B4GALT2: variants seen among roughly 807,000 people sequenced by gnomAD.
The protein encoded by B4GALT2 is beta-1,4-galactosyltransferase 2, also known as N-acetyllactosamine synthase.
Under a neutral mutation model 33.2 loss-of-function variants are expected in B4GALT2, and 18 were observed. The ratio of observed to expected loss-of-function variants is 0.54; its 90% confidence interval spans 0.38 to 0.80. The LOEUF is 0.80. Among genes scored for constraint, B4GALT2 ranks in the 30% least tolerant of loss-of-function variants. The probability of loss-of-function intolerance (pLI) is 0.00; values close to 1 mark genes in which losing one functional copy is unlikely to be tolerated. For missense variants in B4GALT2, 404 were observed against 526.2 expected, an observed-to-expected ratio of 0.77 and a Z score of 2.27; for synonymous variants, 214 against 217.6, an observed-to-expected ratio of 0.98 and a Z score of 0.15.
chr1:43,990,313 A>G lies in B4GALT2; in HGVS notation c.984A>G (p.Gln328=), dbSNP rs754497935. Residue 328 remains glutamine (Q), a synonymous_variant, in exon 7 of 7, where the codon CAA becomes CAG. Transcript: ENST00000372324. ...EPNPQRFTKI[Q]NTKLTMKRDG... ...TCCTATCTAGGTTTACCAAGATTCA[A>G]AACACGAAGCTGACCATGAAGCGGG... 1 of 1,614,208 alleles carries G rather than the reference A, an allele frequency of 6.2e-7. No individual in the cohort carries two copies. The highest frequency in any genetic ancestry group is 1.7e-5 in the Admixed American group (1 of 60,026).
At chr1:43,986,383 C>G (rs895433557) in intron 6 of B4GALT2, among the ~76,000 whole-genome samples, 7 of 152,118 alleles carry the variant, frequency 4.6e-5, no homozygotes, top group Non-Finnish European at 1.0e-4. Flanking sequence ...GTGATGGAAG[C>G]CTTCCTGGAG....
intron 6 of B4GALT2, among the ~76,000 whole-genome samples, chr1:43,989,074 A>T (rs111621454): frequency 6.8e-4 from 104 of 152,124 alleles, no homozygotes; most frequent in African/African-American, 2.5e-3. Flanking sequence ...CAGCTGGATG[A>T]GGTGGCTCAT....
At position 43,979,274 on chromosome 1, in the gene B4GALT2, C is replaced by A; in HGVS notation, c.-290C>A. The A allele has an allele frequency of 6.8e-6, 1 of 146,446 alleles. No individual in the cohort carries two copies. The highest frequency in any genetic ancestry group is 1.8e-4 in the South Asian group (1 of 5,480). The allele number at this position is 146,446 out of a possible 1,614,324, so 9.1% of individuals were successfully genotyped here. A position where few individuals can be genotyped will look rare whatever the true frequency, so the allele number is the denominator to read the frequency against. ...CGCTGTGGTCCGTGGGTCCGCCGGT[C>A]CGTGGGTCTGCCCGGCCGCCCGGCC... On this transcript the variant is annotated 5_prime_UTR_variant, in exon 1 of 7. Transcript: ENST00000372324. The surrounding 1 kb of genome is among the most constrained non-coding windows in gnomAD (Gnocchi z 4.8).
rs1441551509 is a variant in B4GALT2 at position 43,982,536 on chromosome 1, CT to C, written c.549+614del. ...TTGGGAAGCAGTTGCTGAGATGGGTCTTGCGGGATGAGCAGGCATCAGGGGC... is the reference window on the plus strand; with the variant it reads ...TTGGGAAGCAGTTGCTGAGATGGGTCTGCGGGATGAGCAGGCATCAGGGGC... On this transcript the variant is annotated intron_variant, in intron 3 of 6. Coordinates refer to ENST00000372324, the MANE Select transcript of B4GALT2 (RefSeq NM_003780.5). This position sits in a 1 kb window ranked among gnomAD's most constrained non-coding sequence, Gnocchi z 4.3. Among the ~76,000 whole-genome samples, 1 of 152,172 alleles carries C rather than the reference CT, an allele frequency of 6.6e-6. No individual in the cohort carries two copies. Among genetic ancestry groups the C allele is most frequent in the Non-Finnish European group, 1.5e-5 (1 of 68,030 alleles).
Position 43,981,990 on chromosome 1 carries a change from T to A in B4GALT2, c.549+66T>A. The A allele has an allele frequency of 6.6e-7, 1 of 1,506,968 alleles. No individual in the cohort carries two copies. Among genetic ancestry groups the A allele is most frequent in the Middle Eastern group, 1.7e-4 (1 of 5,800 alleles). The allele number at this position is 1,506,968 out of a possible 1,614,324, so 93.3% of individuals were successfully genotyped here. A position where few individuals can be genotyped will look rare whatever the true frequency, so the allele number is the denominator to read the frequency against. On this transcript the variant is annotated intron_variant, in intron 3 of 6. Transcript: ENST00000372324. The surrounding 1 kb of genome is among the most constrained non-coding windows in gnomAD (Gnocchi z 8.1). The stretch of plus-strand genomic sequence containing the variant: ...GTGGGTTGGGGGCGTTTGTGGGTCC[T>A]TGTCTGCCCGTGTGGATATGTGGAT...
rs775829263 is a variant in B4GALT2 at position 43,981,925 on chromosome 1, G to C, written c.549+1G>C. 6.2e-7 allele frequency: 1 copy of C among 1,613,474 alleles called. No individual in the cohort carries two copies. Among genetic ancestry groups the C allele is most frequent in the South Asian group, 1.1e-5 (1 of 91,078 alleles). On this transcript the variant is annotated splice_donor_variant, in intron 3 of 6. Transcript: ENST00000372324. LOFTEE classifies it high-confidence loss of function. This position sits in a 1 kb window ranked among gnomAD's most constrained non-coding sequence, Gnocchi z 8.1. Reference sequence around the variant, plus strand: ...CTACGGCGTCTATGTCATCAACCAGGTGCCCATGCGGGGGTCCATGTGCCT... The same window carrying C: ...CTACGGCGTCTATGTCATCAACCAGCTGCCCATGCGGGGGTCCATGTGCCT...
In B4GALT2 at chr1:43,982,016, G is replaced by A. The variant is rs1165143755; in HGVS notation, c.549+92G>A. The stretch of plus-strand genomic sequence containing the variant: ...TGTCTGCCCGTGTGGATATGTGGAT[G>A]GACCTGGGCGTGGGTAGTCGGTGTT... On this transcript the variant is annotated intron_variant, in intron 3 of 6. Coordinates refer to ENST00000372324, the MANE Select transcript of B4GALT2 (RefSeq NM_003780.5). The surrounding 1 kb of genome is among the most constrained non-coding windows in gnomAD (Gnocchi z 4.3). 19 of 1,293,374 alleles carry A rather than the reference G, an allele frequency of 1.5e-5. No individual in the cohort carries two copies. The highest frequency in any genetic ancestry group is 1.5e-4 in the South Asian group (11 of 75,446). The allele number at this position is 1,293,374 out of a possible 1,614,324, so 80.1% of individuals were successfully genotyped here. A position where few individuals can be genotyped will look rare whatever the true frequency, so the allele number is the denominator to read the frequency against.
rs773719756 is a variant in B4GALT2 at position 43,985,605 on chromosome 1, G to A, written c.952G>A (p.Glu318Lys). ...MIKHDRDKHNEPNPQRFTKIQ... is the reference protein window; with the variant it reads ...MIKHDRDKHNKPNPQRFTKIQ... ...CAAGCACGACCGCGACAAGCATAAC[G>A]AACCTAACCCTCAGAGGTGACCCCA... The change falls in exon 6 of 7, where the codon GAA (glutamate) becomes AAA (lysine). Residue 318 changes from glutamate to lysine, a missense_variant. Glu to Lys is a moderately conservative substitution (Grantham distance 56). Coordinates refer to ENST00000372324, the MANE Select transcript of B4GALT2 (RefSeq NM_003780.5). 2 of 1,613,858 alleles carry A rather than the reference G, an allele frequency of 1.2e-6. No homozygotes were observed. Among genetic ancestry groups the A allele is most frequent in the South Asian group, 2.2e-5 (2 of 91,070 alleles).
chr1:43,980,048 T>G (rs1031339819), intron 1 of B4GALT2: 4 of 1,513,632 alleles, frequency 2.6e-6, no homozygotes, highest in African/African-American at 2.8e-5. Flanking sequence ...GCCTTGTTTG[T>G]GAGTGTGGGA....
At chr1:43,987,224 T>C (rs575741045) in intron 6 of B4GALT2, among the ~76,000 whole-genome samples, 8 of 152,272 alleles carry the variant, frequency 5.3e-5, no homozygotes, top group Non-Finnish European at 1.2e-4. Context: ...CAATTACACA[T>C]GTCTGGCTTG....
chr1:43,990,952 TGCTGAG>T lies in B4GALT2; in HGVS notation c.*506_*511del, dbSNP rs2085726835. 1 of 164,230 alleles carries T rather than the reference TGCTGAG, an allele frequency of 6.1e-6. No individual in the cohort carries two copies. Among genetic ancestry groups the T allele is most frequent in the South Asian group, 1.5e-4 (1 of 6,704 alleles). 10.2% of individuals were successfully genotyped at this position (164,230 alleles called of 1,614,324 possible). ...AGGGGGCAAGCTTTGGTGCGCCCCC[TGCTGAG>T]GAGCAGCCCCAGGAGGGGACCAGAG... On this transcript the variant is annotated 3_prime_UTR_variant, in exon 7 of 7. Transcript: ENST00000372324.
Position 43,979,848 on chromosome 1 carries a change from T to G in B4GALT2, c.-53+337T>G. 2 of 700,388 alleles carry G rather than the reference T, an allele frequency of 2.9e-6. No individual in the cohort carries two copies. Among genetic ancestry groups the G allele is most frequent in the Non-Finnish European group, 4.7e-6 (2 of 423,122 alleles). 43.4% of individuals were successfully genotyped at this position (700,388 alleles called of 1,614,324 possible). A position where few individuals can be genotyped will look rare whatever the true frequency, so the allele number is the denominator to read the frequency against. On this transcript the variant is annotated intron_variant, in intron 1 of 6. Transcript: ENST00000372324. The surrounding 1 kb of genome is among the most constrained non-coding windows in gnomAD (Gnocchi z 4.8). ...CCCCAGGCTCCACACCCACCCGGTC[T>G]GTGCGGCCTGCCCGTCCGCGGGTGC...
chr1:43,983,343 C>G (rs1361689906), intron 3 of B4GALT2, among the ~76,000 whole-genome samples: 1 of 152,150 alleles, frequency 6.6e-6, no homozygotes, highest in Non-Finnish European at 1.5e-5. Flanking sequence ...GAGGCCGCTA[C>G]AGAGGCCGAG....
rs1172098996 is a variant in B4GALT2 at position 43,981,623 on chromosome 1, A to C, written c.314-66A>C. ...GGTTCCCTAGCCCACCCCCAGGCTG[A>C]GGGTGGGGGCTGGTATCTGTGGATT... On this transcript the variant is annotated intron_variant, in intron 2 of 6. Transcript: ENST00000372324. The surrounding 1 kb of genome is among the most constrained non-coding windows in gnomAD (Gnocchi z 8.1). 4.5e-6 allele frequency: 7 copies of C among 1,542,614 alleles called. No homozygotes were observed. Among genetic ancestry groups the C allele is most frequent in the Non-Finnish European group, 6.1e-6 (7 of 1,138,882 alleles).
At position 43,981,175 on chromosome 1, in the gene B4GALT2, G is replaced by A. The variant is rs527442282; in HGVS notation, c.15G>A (p.Leu5=). The change falls in exon 2 of 7, where the codon CTG becomes CTA. Residue 5 remains leucine (L), a synonymous_variant. Transcript: ENST00000372324. This position sits in a 1 kb window ranked among gnomAD's most constrained non-coding sequence, Gnocchi z 8.1. MSRL[L]GGTLERVCKA... is the part of the protein sequence containing the mutation. ...CCGCCTGCGGGATGAGCAGACTGCTGGGGGGGACGCTGGAGCGCGTCTGCA... is the reference window on the plus strand; with the variant it reads ...CCGCCTGCGGGATGAGCAGACTGCTAGGGGGGACGCTGGAGCGCGTCTGCA... 2 of 1,599,600 alleles carry A rather than the reference G, an allele frequency of 1.3e-6. No individual in the cohort carries two copies. The highest frequency in any genetic ancestry group is 1.1e-5 in the South Asian group (1 of 91,072).
chr1:43,980,651 A>C, intron 1 of B4GALT2: 1 of 937,410 alleles, frequency 1.1e-6, no homozygotes, highest in Non-Finnish European at 1.3e-6. Flanking sequence ...CCTCTTCCCC[A>C]AGCCATGAGT....
Position 43,985,507 on chromosome 1 carries a change from C to T in B4GALT2, c.864-10C>T, listed in dbSNP as rs762394480. ...GGAGCCTGTTCCAGTCTGTCCGTCC[C>T]CATCCTCAGGATCTCCCTGACTGGG... On this transcript the variant is annotated splice_polypyrimidine_tract_variant and intron_variant, in intron 5 of 6. Coordinates refer to ENST00000372324, the MANE Select transcript of B4GALT2 (RefSeq NM_003780.5). 10 of 1,612,966 alleles carry T rather than the reference C, an allele frequency of 6.2e-6. No homozygotes were observed. Among genetic ancestry groups the T allele is most frequent in the African/African-American group, 1.3e-5 (1 of 74,758 alleles).
rs1183766005 is a variant in B4GALT2, at chr1:43,990,329, A to T, written c.1000A>T (p.Met334Leu). The T allele has an allele frequency of 2.5e-6, 4 of 1,614,240 alleles. No homozygotes were observed. The highest frequency in any genetic ancestry group is 3.4e-6 in the Non-Finnish European group (4 of 1,180,042). The change falls in exon 7 of 7, where the codon ATG becomes TTG. Residue 334 changes from methionine to leucine, a missense_variant. Physicochemically the swap from Met to Leu is conservative, Grantham distance 15. Coordinates refer to ENST00000372324, the MANE Select transcript of B4GALT2 (RefSeq NM_003780.5). ...FTKIQNTKLT[M>L]KRDGIGSVRY... ...CAAGATTCAAAACACGAAGCTGACC[A>T]TGAAGCGGGACGGCATTGGGTCAGT...
chr1:43,988,661 C>G (rs2085687333), intron 6 of B4GALT2, among the ~76,000 whole-genome samples: 1 of 151,800 alleles, frequency 6.6e-6, no homozygotes, highest in Non-Finnish European at 1.5e-5. Context: ...CAGAGCAAGA[C>G]TCTCAAAAAA....
Sources: gnomAD v4.1 joint callset for allele counts (sites outside exome capture counted in the v4.1 genomes callset) on GRCh38, gnomAD v4.1.1 for gene constraint, Gnocchi (gnomAD v3.1) non-coding constraint, MANE v1.5 for transcripts, NCBI Gene and HGNC (gene_info 2026-07-23, HGNC 2026-07-21) for gene names.